KCNMB2: variants seen among roughly 807,000 people sequenced by gnomAD.
KCNMB2 encodes the protein calcium-activated potassium channel subunit beta-2.
In KCNMB2, 9 loss-of-function variants were observed where a neutral mutation model predicts 24.5. That is an observed-to-expected ratio of 0.37 (90% confidence interval 0.22 to 0.64). The LOEUF (loss-of-function observed/expected upper bound fraction) is 0.64. Among genes scored for constraint, KCNMB2 ranks in the 30% least tolerant of loss-of-function variants. KCNMB2 has a pLI of 0.63. For synonymous variants in KCNMB2, 109 were observed against 104.4 expected (o/e 1.04, Z -0.27); for missense variants, 226 against 284.3 (o/e 0.79, Z 1.47).
intron 1 of KCNMB2, among the ~76,000 whole-genome samples, chr3:178,779,082 G>A (rs1712716575): frequency 6.6e-6 from 1 of 152,116 alleles, no homozygotes. Flanking sequence ...CTGTACCAAG[G>A]ACCAACTCCT....
At chr3:178,774,506 C>T (rs1401090067) in intron 1 of KCNMB2, among the ~76,000 whole-genome samples, 1 of 152,058 alleles carries the variant, frequency 6.6e-6, no homozygotes, top group Admixed American at 6.6e-5. Context: ...AAGACAGTGG[C>T]TGTGTGGGAA....
At chr3:178,621,009 C>A (rs1053228055) in intron 1 of KCNMB2, among the ~76,000 whole-genome samples, 5 of 152,238 alleles carry the variant, frequency 3.3e-5, no homozygotes, top group Admixed American at 3.3e-4. Flanking sequence ...TTTTCATAGG[C>A]AATGGCAAAC....
chr3:178,704,902 TA>T (rs1261223916), intron 1 of KCNMB2, among the ~76,000 whole-genome samples: 3 of 152,172 alleles, frequency 2.0e-5, no homozygotes, highest in Non-Finnish European at 2.9e-5. Context: ...CTGACTCCTA[TA>T]AGATGAAATT....
chr3:178,556,325 CAAT>C (rs1716122907), intron 1 of KCNMB2, among the ~76,000 whole-genome samples: 1 of 152,130 alleles, frequency 6.6e-6, no homozygotes, highest in East Asian at 1.9e-4. Context: ...GAGAATAAAT[CAAT>C]AATTTAATGG....
chr3:178,742,730 A>G (rs1447236192), intron 1 of KCNMB2, among the ~76,000 whole-genome samples: 5 of 152,174 alleles, frequency 3.3e-5, no homozygotes, highest in Admixed American at 3.3e-4. Context: ...TACCTGTAGT[A>G]CCAAACATAT....
intron 1 of KCNMB2, among the ~76,000 whole-genome samples, chr3:178,573,126 A>G (rs959869287): frequency 2.0e-5 from 3 of 152,004 alleles, no homozygotes; most frequent in African/African-American, 7.2e-5. Flanking sequence ...CTCTTGCCTC[A>G]GCCTCCCGAG....
intron 1 of KCNMB2, among the ~76,000 whole-genome samples, chr3:178,775,779 A>T (rs1036356863): frequency 1.3e-5 from 2 of 152,224 alleles, no homozygotes; most frequent in African/African-American, 4.8e-5. Flanking sequence ...ACAGGAAGTC[A>T]TCAAGGACAA....
rs58820080 is a variant in KCNMB2, at chr3:178,762,849, G to GA, written c.-67-44479dup. On this transcript the variant is annotated intron_variant, in intron 1 of 4. Transcript: ENST00000452583. ...AGATTGTATGATCATTTACTGAGTT[G>GA]AAAAAAAAAAAAAAAGGAATGAGTA... Among the ~76,000 whole-genome samples the GA allele has an allele frequency of 6.4e-3, 833 of 129,208 alleles. 7 individuals are homozygous for GA. Among genetic ancestry groups the GA allele is most frequent in the African/African-American group, 0.017 (580 of 34,818 alleles). The allele number at this position is 129,208 out of a possible 152,430, so 84.8% of individuals were successfully genotyped here. A position where few individuals can be genotyped will look rare whatever the true frequency, so the allele number is the denominator to read the frequency against.
chr3:178,744,859 G>C (rs1017602415), intron 1 of KCNMB2, among the ~76,000 whole-genome samples: 3 of 152,174 alleles, frequency 2.0e-5, no homozygotes, highest in Admixed American at 6.6e-5. Flanking sequence ...CTATTTGCCT[G>C]CTCTACATTC....
At chr3:178,666,939 T>C (rs1720739303) in intron 1 of KCNMB2, among the ~76,000 whole-genome samples, 1 of 152,182 alleles carries the variant, frequency 6.6e-6, no homozygotes, top group Admixed American at 6.6e-5. Flanking sequence ...AATGATGTAG[T>C]ATTTGCACAT....
At chr3:178,783,058 C>T (rs1190971352) in intron 1 of KCNMB2, among the ~76,000 whole-genome samples, 1 of 150,064 alleles carries the variant, frequency 6.7e-6, no homozygotes, top group Non-Finnish European at 1.5e-5. Context: ...AATCCTTTCC[C>T]CATTGCTTGT....
chr3:178,737,860 T>G (rs1218570192), intron 1 of KCNMB2, among the ~76,000 whole-genome samples: 3 of 152,206 alleles, frequency 2.0e-5, no homozygotes, highest in African/African-American at 7.2e-5. Flanking sequence ...TTATCACTTT[T>G]TCCAACGTAA....
At chr3:178,669,702 G>A (rs547546968) in intron 1 of KCNMB2, among the ~76,000 whole-genome samples, 1 of 152,172 alleles carries the variant, frequency 6.6e-6, no homozygotes, top group South Asian at 2.1e-4. Context: ...TACAGGGCAG[G>A]ATATGAGATA....
At chr3:178,795,728 G>A (rs1560024977) in intron 1 of KCNMB2, among the ~76,000 whole-genome samples, 1 of 152,134 alleles carries the variant, frequency 6.6e-6, no homozygotes, top group Non-Finnish European at 1.5e-5. Context: ...CAGAACTGTA[G>A]CCTAAGATTG....
intron 1 of KCNMB2, among the ~76,000 whole-genome samples, chr3:178,637,036 T>TC (rs1451001499): frequency 1.3e-5 from 1 of 79,646 alleles, no homozygotes; most frequent in African/African-American, 6.8e-5. Flanking sequence ...ATGCTCTCAT[T>TC]CTTTTTTTTG....
At chr3:178,803,861 A>T (rs2108449442) in intron 1 of KCNMB2, among the ~76,000 whole-genome samples, 1 of 152,294 alleles carries the variant, frequency 6.6e-6, no homozygotes, top group East Asian at 1.9e-4. Context: ...TGTGCTTGAG[A>T]AATGGAAAGG....
At chr3:178,551,787 G>T (rs1410038854) in intron 1 of KCNMB2, among the ~76,000 whole-genome samples, 1 of 152,154 alleles carries the variant, frequency 6.6e-6, no homozygotes. Context: ...GAAATCTCTC[G>T]CTCAGAAAGC....
chr3:178,554,125 G>C (rs1716048014), intron 1 of KCNMB2, among the ~76,000 whole-genome samples: 1 of 151,832 alleles, frequency 6.6e-6, no homozygotes, highest in South Asian at 2.1e-4. Flanking sequence ...TCTCAGATGA[G>C]GAAAATGAGG....
rs1315521555 is a variant in KCNMB2, at chr3:178,689,973, A to ATGCAAATTTAGATTG, written c.-67-117360_-67-117346dup. 5.0e-4 allele frequency among the ~76,000 whole-genome samples: 76 copies of ATGCAAATTTAGATTG among 152,226 alleles called. 1 individual carries two copies. Among genetic ancestry groups the ATGCAAATTTAGATTG allele is most frequent in the African/African-American group, 1.8e-3 (75 of 41,474 alleles). ...TAAAGTGTAGTGTAATTGACATTTTATGCAAATTTAGATTGTGCAAATTTG... is the reference window on the plus strand; with the variant it reads ...TAAAGTGTAGTGTAATTGACATTTTATGCAAATTTAGATTGTGCAAATTTAGATTGTGCAAATTTG... On this transcript the variant is annotated intron_variant, in intron 1 of 4. Transcript: ENST00000452583.
Sources: gnomAD v4.1 joint callset for allele counts (sites outside exome capture counted in the v4.1 genomes callset) on GRCh38, gnomAD v4.1.1 for gene constraint, MANE v1.5 for transcripts, NCBI Gene and HGNC (gene_info 2026-07-23, HGNC 2026-07-21) for gene names.